Variants in MYO1B observed in about 807,000 individuals in gnomAD.
MYO1B encodes unconventional myosin-Ib.
A neutral mutation model predicts 159.7 loss-of-function variants in MYO1B; 72 were observed. The observed-to-expected ratio is 0.45, with a 90% confidence interval of 0.37 to 0.55. The LOEUF (loss-of-function observed/expected upper bound fraction) is 0.55, where lower values mean the gene tolerates loss of function less well. Among genes scored for constraint, MYO1B ranks in the 20% least tolerant of loss-of-function variants. The pLI, the probability that MYO1B is intolerant of heterozygous loss-of-function variation, is 0.00. For synonymous variants in MYO1B, 468 were observed against 473.8 expected, an observed-to-expected ratio of 0.99 and a Z score of 0.16; for missense variants, 1,062 against 1,364.8, an observed-to-expected ratio of 0.78 and a Z score of 3.50.
intron 6 of MYO1B, among the ~76,000 whole-genome samples, chr2:191,348,989 TCTG>T (rs1343719675): frequency 1.3e-5 from 2 of 152,222 alleles, no homozygotes; most frequent in African/African-American, 2.4e-5. Context: ...CCACCTGACT[TCTG>T]CTGATACTTT....
At chr2:191,350,587 A>C (rs1366241388) in intron 7 of MYO1B, among the ~76,000 whole-genome samples, 1 of 152,084 alleles carries the variant, frequency 6.6e-6, no homozygotes, top group Admixed American at 6.5e-5. Context: ...TTATGATAAA[A>C]AAAATATAAA....
At chr2:191,341,714 G>A (rs945445839) in intron 5 of MYO1B, 149 bp downstream of exon 5, 8 of 578,032 alleles carry the variant, frequency 1.4e-5, no homozygotes, top group African/African-American at 9.5e-5. Context: ...CAAATAAGCC[G>A]TGTTCTAGAA....
intron 30 of MYO1B, among the ~76,000 whole-genome samples, chr2:191,422,338 T>A (rs547552874): frequency 1.6e-4 from 24 of 152,240 alleles, no homozygotes; most frequent in Non-Finnish European, 2.9e-4. Flanking sequence ...GATGCTATCC[T>A]CAGTTCAGGG....
chr2:191,322,480 G>T (rs1455821755), intron 3 of MYO1B, among the ~76,000 whole-genome samples: 2 of 152,096 alleles, frequency 1.3e-5, no homozygotes. Context: ...AGAAGGAAAG[G>T]TGCTTATTTT....
chr2:191,420,546 G>A (rs1310597913), intron 30 of MYO1B, among the ~76,000 whole-genome samples: 2 of 152,294 alleles, frequency 1.3e-5, no homozygotes, highest in East Asian at 3.9e-4. Flanking sequence ...ACACGCTGTA[G>A]CATCTAGGTT....
At chr2:191,266,801 A>G (rs1239990140) in intron 1 of MYO1B, among the ~76,000 whole-genome samples, 4 of 152,196 alleles carry the variant, frequency 2.6e-5, no homozygotes, top group Admixed American at 6.5e-5. Flanking sequence ...AAAACCTTCC[A>G]TGTTGTTATA....
intron 13 of MYO1B, among the ~76,000 whole-genome samples, chr2:191,376,305 A>G (rs1054074622): frequency 6.6e-6 from 1 of 152,150 alleles, no homozygotes; most frequent in African/African-American, 2.4e-5. Context: ...TTTTAAGTTT[A>G]CATTCTAAAA....
At chr2:191,312,831 C>G (rs1275052620) in intron 3 of MYO1B, among the ~76,000 whole-genome samples, 1 of 152,234 alleles carries the variant, frequency 6.6e-6, no homozygotes, top group Non-Finnish European at 1.5e-5. Context: ...GCCCACACCT[C>G]ACTTTGGAGA....
At chr2:191,308,783 C>T (rs1054686649) in intron 3 of MYO1B, among the ~76,000 whole-genome samples, 1 of 152,212 alleles carries the variant, frequency 6.6e-6, no homozygotes, top group Non-Finnish European at 1.5e-5. Flanking sequence ...TCCATGTTAT[C>T]AAATCCCATG....
chr2:191,402,578 T>C, intron 23 of MYO1B, 54 bp from the exon 24 acceptor site: 1 of 1,468,986 alleles, frequency 6.8e-7, no homozygotes, highest in Non-Finnish European at 9.5e-7. Flanking sequence ...TTTCTGGTCA[T>C]TTGTGCTGTC....
chr2:191,401,605 G>A (rs1696621361), intron 23 of MYO1B: 1 of 152,192 alleles, frequency 6.6e-6, no homozygotes, highest in Non-Finnish European at 1.5e-5. Context: ...ATTCCAGTTA[G>A]AAACACAAAC....
At chr2:191,363,920 T>G in intron 10 of MYO1B, 45 bp downstream of exon 10, 2 of 1,608,216 alleles carry the variant, frequency 1.2e-6, no homozygotes, top group African/African-American at 2.7e-5. Flanking sequence ...GAAACTTGCT[T>G]TGAACTTCTC....
intron 3 of MYO1B, among the ~76,000 whole-genome samples, chr2:191,324,980 G>A (rs558200972): frequency 6.0e-4 from 91 of 152,222 alleles, no homozygotes; most frequent in Admixed American, 1.7e-3. Context: ...GAAGGCCAAC[G>A]TAGTGCCTCT....
At chr2:191,413,354 G>A (rs1478990062) in intron 27 of MYO1B, among the ~76,000 whole-genome samples, 1 of 152,086 alleles carries the variant, frequency 6.6e-6, no homozygotes, top group Admixed American at 6.6e-5. Context: ...ATAAAGTGTT[G>A]GATATCTCAT....
intron 4 of MYO1B, among the ~76,000 whole-genome samples, chr2:191,338,605 T>C (rs1209398672): frequency 6.6e-6 from 1 of 152,144 alleles, no homozygotes; most frequent in Non-Finnish European, 1.5e-5. Flanking sequence ...TCAATTCTAG[T>C]AGCCACCAAA....
chr2:191,390,653 CA>C (rs1213331053), intron 18 of MYO1B, among the ~76,000 whole-genome samples, 161 bp downstream of exon 18: 1 of 152,100 alleles, frequency 6.6e-6, no homozygotes, highest in Non-Finnish European at 1.5e-5. Context: ...GTGCTAAGGT[CA>C]AAATAAGACT....
chr2:191,387,646 AG>A, intron 17 of MYO1B, 196 bp downstream of exon 17: 1 of 614,428 alleles, frequency 1.6e-6, no homozygotes, highest in Non-Finnish European at 2.9e-6. Flanking sequence ...AAAGTAAAAA[AG>A]TAAAGTGTGG....
At chr2:191,315,410 A>C (rs1424782125) in intron 3 of MYO1B, among the ~76,000 whole-genome samples, 1 of 152,242 alleles carries the variant, frequency 6.6e-6, no homozygotes. Context: ...AAGGCAGCTT[A>C]GTATTTTATA....
At chr2:191,371,233 C>G (rs1559209849) in intron 13 of MYO1B, among the ~76,000 whole-genome samples, 2 of 152,146 alleles carry the variant, frequency 1.3e-5, no homozygotes, top group Admixed American at 6.5e-5. Context: ...AGGAACCAGG[C>G]TCTGCCCAGA....
Sources: gnomAD v4.1 joint callset for allele counts (sites outside exome capture counted in the v4.1 genomes callset) on GRCh38, gnomAD v4.1.1 for gene constraint, MANE v1.5 for transcripts, NCBI Gene and HGNC (gene_info 2026-07-23, HGNC 2026-07-21) for gene names.